ILDR1: variants seen among roughly 807,000 people sequenced by gnomAD.
The protein encoded by ILDR1 is immunoglobulin like domain containing receptor 1, also known as immunoglobulin-like domain-containing receptor 1.
In ILDR1, 56 loss-of-function variants were observed where a neutral mutation model predicts 62.4. The observed-to-expected ratio is 0.90, with a 90% CI of 0.72 to 1.12. ILDR1 has a LOEUF of 1.12. ILDR1 is among the 50% of genes most tolerant of loss of function. The probability of loss-of-function intolerance (pLI) is 0.00; values close to 1 mark genes in which losing one functional copy is unlikely to be tolerated. For synonymous variants in ILDR1, 284 were observed against 277.8 expected, an observed-to-expected ratio of 1.02 and a Z score of -0.22; for missense variants, 736 against 710.6, an observed-to-expected ratio of 1.04 and a Z score of -0.41.
the ILDR1 span, among the ~76,000 whole-genome samples, chr3:122,059,535 CAAAAA>C: frequency 1.5e-5 from 1 of 67,960 alleles, no homozygotes. Context: ...GACTCCGTCT[CAAAAA>C]AAAAAAAAAA....
At chr3:122,045,168 G>T in the ILDR1 span, among the ~76,000 whole-genome samples, 3 of 150,052 alleles carry the variant, frequency 2.0e-5, no homozygotes, top group African/African-American at 2.4e-5. Context: ...CCTTCATTTC[G>T]TTATGTACCC....
chr3:121,994,455 A>T, intron 5 of ILDR1, 142 bp from the exon 6 acceptor site: 1 of 943,764 alleles, frequency 1.1e-6, no homozygotes, highest in Non-Finnish European at 1.5e-6. Flanking sequence ...AGTAAGGGTT[A>T]AGGGGGTAGT....
At chr3:122,056,406 C>A in the ILDR1 span, among the ~76,000 whole-genome samples, 1 of 152,210 alleles carries the variant, frequency 6.6e-6, no homozygotes, top group African/African-American at 2.4e-5. Flanking sequence ...GCAATCTCAG[C>A]TCACTGCAAC....
At chr3:121,990,242 G>A (rs1304003387) in intron 7 of ILDR1, among the ~76,000 whole-genome samples, 2 of 152,198 alleles carry the variant, frequency 1.3e-5, no homozygotes, top group Non-Finnish European at 2.9e-5. Flanking sequence ...CTCAGTAAAT[G>A]CATTCAAAAT....
In ILDR1 at chr3:122,001,731, C is replaced by T; in HGVS notation, c.499+14G>A. The T allele has an allele frequency of 6.2e-7, 1 of 1,612,566 alleles. No individual in the cohort carries two copies. ...AGTGAGGGTGACTGAATAGAAAGCT[C>T]CAGTAGCACTTACGTAGGACGATGA... On this transcript the variant is annotated intron_variant, in intron 4 of 7. Transcript: ENST00000344209.
At position 121,993,269 on chromosome 3, in the gene ILDR1, C is replaced by T. The variant is rs1576714308; in HGVS notation, c.1480G>A (p.Ala494Thr). 1.2e-6 allele frequency: 2 copies of T among 1,613,494 alleles called. No homozygotes were observed. Among genetic ancestry groups the T allele is most frequent in the Non-Finnish European group, 1.7e-6 (2 of 1,179,760 alleles). The part of the protein sequence containing the change: ...DKERQPQSWR[A>T]HRRGSHSPHW... ...GGGGAGTGCGAGCCGCGGCGGTGGG[C>T]CCGCCAGCTCTGGGGCTGCCTCTCC... Residue 494 changes from alanine (A) to threonine (T), a missense_variant, in exon 7 of 8, where the codon GCC becomes ACC. Coordinates refer to ENST00000344209, the MANE Select transcript of ILDR1 (RefSeq NM_001199799.2).
At chr3:122,010,850 T>G (rs1259417660) in intron 1 of ILDR1, among the ~76,000 whole-genome samples, 1 of 152,246 alleles carries the variant, frequency 6.6e-6, no homozygotes, top group East Asian at 1.9e-4. Flanking sequence ...CATCTTCAAA[T>G]ATATTCTTTT....
chr3:122,031,175 T>A, the ILDR1 span, among the ~76,000 whole-genome samples: 5 of 152,314 alleles, frequency 3.3e-5, no homozygotes, highest in African/African-American at 1.2e-4. Context: ...TTGCCACAAG[T>A]AGCTGCATAA....
intron 1 of ILDR1, among the ~76,000 whole-genome samples, chr3:122,008,583 CTTTTCTTTTCTT>C (rs2071651227): frequency 3.0e-5 from 2 of 66,224 alleles, no homozygotes; most frequent in African/African-American, 7.9e-5. Flanking sequence ...CTTTTCTTTT[CTTTTCTTTTCTT>C]TTTTTTTTTT....
intron 5 of ILDR1, among the ~76,000 whole-genome samples, chr3:121,994,986 G>A (rs1261991779): frequency 6.6e-6 from 1 of 152,154 alleles, no homozygotes; most frequent in Non-Finnish European, 1.5e-5. Context: ...TTTCTCAGGG[G>A]TGGGGTGGAA....
chr3:122,017,587 A>G (rs937920693), intron 1 of ILDR1, among the ~76,000 whole-genome samples: 1 of 152,198 alleles, frequency 6.6e-6, no homozygotes, highest in African/African-American at 2.4e-5. Flanking sequence ...AAGACAAACT[A>G]TCATCAGAGT....
the ILDR1 span, among the ~76,000 whole-genome samples, chr3:122,033,948 G>A: frequency 1.3e-5 from 2 of 152,126 alleles, no homozygotes; most frequent in Admixed American, 6.6e-5. Context: ...CTTTAAGAAT[G>A]ATTTAACTAT....
intron 5 of ILDR1, among the ~76,000 whole-genome samples, chr3:121,995,308 C>T (rs758612685): frequency 5.3e-5 from 8 of 152,148 alleles, no homozygotes; most frequent in Non-Finnish European, 1.0e-4. Context: ...AGGTTAGGCC[C>T]CAGCCTGGCA....
intron 3 of ILDR1, among the ~76,000 whole-genome samples, chr3:122,002,078 T>C (rs2071537460): frequency 6.6e-6 from 1 of 152,186 alleles, no homozygotes; most frequent in Non-Finnish European, 1.5e-5. Flanking sequence ...AAGTTGAAGC[T>C]GCAGTGAGCT....
At chr3:122,021,304 T>C (rs575825607) in intron 1 of ILDR1, among the ~76,000 whole-genome samples, 89 of 152,338 alleles carry the variant, frequency 5.8e-4, no homozygotes, top group Non-Finnish European at 7.4e-4. Context: ...TACCCTTTCC[T>C]ACCTGGTTTC....
At chr3:122,060,082 C>A in the ILDR1 span, among the ~76,000 whole-genome samples, 1 of 152,158 alleles carries the variant, frequency 6.6e-6, no homozygotes. Context: ...CAAACTAATA[C>A]ACTTGGTGAG....
At chr3:121,999,094 C>T (rs2071479397) in intron 5 of ILDR1, among the ~76,000 whole-genome samples, 1 of 152,198 alleles carries the variant, frequency 6.6e-6, no homozygotes, top group Admixed American at 6.5e-5. Context: ...TCCTGTAAGA[C>T]AGCAACCTCA....
intron 1 of ILDR1, among the ~76,000 whole-genome samples, chr3:122,019,880 G>C (rs143315358): frequency 1.3e-3 from 202 of 152,322 alleles, no homozygotes; most frequent in Middle Eastern, 3.4e-3. Flanking sequence ...TTTCCAAAGT[G>C]CATATCACAG....
the ILDR1 span, among the ~76,000 whole-genome samples, chr3:122,048,886 T>C: frequency 2.1e-4 from 32 of 152,288 alleles, no homozygotes; most frequent in Non-Finnish European, 1.9e-4. Context: ...TCCTCCTACC[T>C]TGGGCTCCCA....
Sources: gnomAD v4.1 joint callset for allele counts (sites outside exome capture counted in the v4.1 genomes callset) on GRCh38, gnomAD v4.1.1 for gene constraint, MANE v1.5 for transcripts, NCBI Gene and HGNC (gene_info 2026-07-23, HGNC 2026-07-21) for gene names.